LRBA: variants seen among roughly 807,000 people sequenced by gnomAD.
LRBA encodes the protein lipopolysaccharide-responsive and beige-like anchor protein.
LRBA carries 176 observed loss-of-function variants against 330.0 expected under a neutral mutation model. The ratio of observed to expected loss-of-function variants is 0.53; its 90% CI spans 0.47 to 0.60. LRBA has a LOEUF of 0.60. Ranked by LOEUF, LRBA falls within the 20% of genes least tolerant of loss-of-function variation. LRBA has a pLI of 0.00. For missense variants in LRBA, 3,259 were observed against 3,444.8 expected (o/e 0.95, Z 1.35); for synonymous variants, 1,230 against 1,193.0 (o/e 1.03, Z -0.64).
chr4:150,618,838 A>ATG (rs1316286569), intron 37 of LRBA, among the ~76,000 whole-genome samples: 1 of 82,810 alleles, frequency 1.2e-5, no homozygotes, highest in African/African-American at 3.6e-5. Context: ...TATTATGTAT[A>ATG]TGTGTGTATG....
chr4:151,002,196 C>CAAAAAAA (rs143587760), intron 2 of LRBA, among the ~76,000 whole-genome samples: 1 of 24,406 alleles, frequency 4.1e-5, no homozygotes, highest in African/African-American at 1.6e-4. Flanking sequence ...CATAAAACAG[C>CAAAAAAA]AAAAAAAAAA....
chr4:150,316,845 G>A (rs1028053717), intron 50 of LRBA, among the ~76,000 whole-genome samples: 2 of 152,120 alleles, frequency 1.3e-5, no homozygotes, highest in African/African-American at 4.8e-5. Flanking sequence ...AGAGAGAGTC[G>A]TGGACAAGGG....
chr4:150,826,998 C>G (rs899935372), intron 30 of LRBA, among the ~76,000 whole-genome samples: 1 of 152,146 alleles, frequency 6.6e-6, no homozygotes, highest in Non-Finnish European at 1.5e-5. Context: ...TCAAGGAAAT[C>G]ATGAGAGACT....
At chr4:150,734,108 T>G (rs1730874274) in intron 36 of LRBA, among the ~76,000 whole-genome samples, 1 of 152,166 alleles carries the variant, frequency 6.6e-6, no homozygotes, top group South Asian at 2.1e-4. Context: ...TTAATAGTCT[T>G]TACCATATTT....
Position 150,583,747 on chromosome 4 carries a change from C to T in LRBA, c.6330+4301G>A, listed in dbSNP as rs1412872049. The stretch of plus-strand genomic sequence containing the variant: ...GCTACAGTTCGGGGAGGCGGAGAAC[C>T]GCCTGCTGATGGGCGGCTGCCGAAA... On this transcript the variant is annotated intron_variant, in intron 40 of 56. Coordinates refer to ENST00000651943, the MANE Select transcript of LRBA (RefSeq NM_001364905.1). This position sits in a 1 kb window ranked among gnomAD's most constrained non-coding sequence, Gnocchi z 9.8. 6.2e-7 allele frequency: 1 copy of T among 1,613,520 alleles called. No homozygotes were observed. The highest frequency in any genetic ancestry group is 8.5e-7 in the Non-Finnish European group (1 of 1,179,828).
chr4:150,485,639 C>T (rs1037307494), intron 42 of LRBA, among the ~76,000 whole-genome samples: 6 of 151,714 alleles, frequency 4.0e-5, no homozygotes, highest in Admixed American at 6.6e-5. Context: ...CCAAGGAGAC[C>T]GGCCTGGAAC....
At chr4:150,279,918 AG>A (rs1157933986) in intron 55 of LRBA, among the ~76,000 whole-genome samples, 1 of 152,234 alleles carries the variant, frequency 6.6e-6, no homozygotes, top group East Asian at 1.9e-4. Context: ...TTATGGTTGT[AG>A]TTCATTTGAA....
At chr4:150,812,914 G>A (rs1437395178) in intron 31 of LRBA, among the ~76,000 whole-genome samples, 1 of 152,024 alleles carries the variant, frequency 6.6e-6, no homozygotes, top group Admixed American at 6.6e-5. Flanking sequence ...TACAAGAAGG[G>A]ATATGGGTGA....
chr4:150,652,255 C>A (rs1481844343), intron 37 of LRBA, among the ~76,000 whole-genome samples: 1 of 152,138 alleles, frequency 6.6e-6, no homozygotes, highest in Non-Finnish European at 1.5e-5. Flanking sequence ...CCCTTTCCCC[C>A]ACCTCTTAAC....
intron 37 of LRBA, among the ~76,000 whole-genome samples, chr4:150,639,769 ATATATATATATATGTG>A (rs1327135655): frequency 0.022 from 148 of 6,856 alleles, 19 homozygotes; most frequent in African/African-American, 0.056. Context: ...ATATATATAT[ATATATATATATATGTG>A]TGTGTGTATA....
Position 150,872,671 on chromosome 4 carries a change from C to G in LRBA, c.2250G>C (p.Leu750=). ...LKAMGYFLKH[L]APKRKAEVML... ...GATTTCGGCATACTTACTTTGGGGC[C>G]AGATGTTTTAAAAAATAACCCATTG... Residue 750 remains leucine, a synonymous_variant, in exon 18 of 57, where the codon CTG becomes CTC. Transcript: ENST00000651943. The G allele has an allele frequency of 1.9e-6, 3 of 1,604,644 alleles. No homozygotes were observed. The highest frequency in any genetic ancestry group is 2.6e-6 in the Non-Finnish European group (3 of 1,173,168).
chr4:150,516,893 C>T (rs1432649159), intron 40 of LRBA, among the ~76,000 whole-genome samples: 1 of 152,076 alleles, frequency 6.6e-6, no homozygotes, highest in Non-Finnish European at 1.5e-5. Flanking sequence ...AGTTTTATTA[C>T]ATCAACATGT....
At chr4:150,346,757 C>CAAAAAAAAAAAAA (rs57119340) in intron 48 of LRBA, among the ~76,000 whole-genome samples, 16 of 66,152 alleles carry the variant, frequency 2.4e-4, no homozygotes, top group African/African-American at 1.2e-3. Flanking sequence ...GACTCTGTCT[C>CAAAAAAAAAAAAA]AAAAAAAAAA....
chr4:150,697,344 A>AAAAAAAAAAAAAAAAAAAAC (rs1561527638), intron 36 of LRBA, among the ~76,000 whole-genome samples: 1 of 148,740 alleles, frequency 6.7e-6, no homozygotes, highest in African/African-American at 2.5e-5. Context: ...AAAAAAAAAA[A>AAAAAAAAAAAAAAAAAAAAC]AAAAAAACAG....
intron 40 of LRBA, among the ~76,000 whole-genome samples, chr4:150,558,870 C>T (rs553475724): frequency 6.6e-6 from 1 of 152,118 alleles, no homozygotes; most frequent in East Asian, 1.9e-4. Flanking sequence ...TTCAGGGAGG[C>T]AATTTTGATG....
chr4:150,361,434 T>C (rs1235492724), intron 47 of LRBA, among the ~76,000 whole-genome samples: 1 of 152,216 alleles, frequency 6.6e-6, no homozygotes, highest in African/African-American at 2.4e-5. Context: ...GGCACACCAC[T>C]GAAAATGTTT....
intron 53 of LRBA, among the ~76,000 whole-genome samples, chr4:150,297,549 G>A (rs758361962): frequency 1.1e-4 from 16 of 152,312 alleles, no homozygotes; most frequent in Admixed American, 2.6e-4. Flanking sequence ...TCCAAATGCA[G>A]GCCCAGAAGG....
Position 150,588,194 on chromosome 4 carries a change from G to A in LRBA, c.6194-10C>T. On this transcript the variant is annotated splice_polypyrimidine_tract_variant and intron_variant, in intron 39 of 56. Coordinates refer to ENST00000651943, the MANE Select transcript of LRBA (RefSeq NM_001364905.1). ...CTCAGGCTAACAGGACCTGCCAAAA[G>A]GAAAAGACAAGCCACACAAGTTGGA... 13 of 1,562,178 alleles carry A rather than the reference G, an allele frequency of 8.3e-6. No individual in the cohort carries two copies. Among genetic ancestry groups the A allele is most frequent in the Non-Finnish European group, 1.0e-5 (12 of 1,160,538 alleles).
intron 40 of LRBA, among the ~76,000 whole-genome samples, chr4:150,491,655 TGGGGTA>T (rs902794747): frequency 2.0e-5 from 3 of 152,106 alleles, no homozygotes; most frequent in African/African-American, 7.2e-5. Flanking sequence ...AATCTCCCTA[TGGGGTA>T]GGTGGTTGTC....
Sources: allele counts gnomAD v4.1 joint callset (sites outside exome capture counted in the v4.1 genomes callset), GRCh38; gene constraint gnomAD v4.1.1; non-coding constraint Gnocchi (gnomAD v3.1); transcripts MANE v1.5; gene names NCBI Gene and HGNC (gene_info 2026-07-23, HGNC 2026-07-21).